Variants in KCNH8 observed in about 807,000 individuals in gnomAD.
The protein encoded by KCNH8 is potassium voltage-gated channel subfamily H member 8.
Under a neutral mutation model 103.6 loss-of-function variants are expected in KCNH8, and 70 were observed. The observed-to-expected ratio is 0.68, with a 90% CI of 0.56 to 0.82. The LOEUF is 0.82. Among genes scored for constraint, KCNH8 ranks in the 40% least tolerant of loss-of-function variants. The probability of loss-of-function intolerance (pLI) is 0.00; values close to 1 mark genes in which losing one functional copy is unlikely to be tolerated. For missense variants in KCNH8, 1,217 were observed against 1,329.9 expected (o/e 0.92, Z 1.32); for synonymous variants, 498 against 489.4 (o/e 1.02, Z -0.23).
chr3:19,281,002 G>A (rs1450163789), intron 2 of KCNH8, among the ~76,000 whole-genome samples, 196 bp from the exon 3 acceptor site: 3 of 152,008 alleles, frequency 2.0e-5, no homozygotes, highest in Non-Finnish European at 4.4e-5. Flanking sequence ...TTCAGAAAAA[G>A]CATTTCCTTT....
intron 11 of KCNH8, among the ~76,000 whole-genome samples, chr3:19,496,107 T>A (rs969901327): frequency 6.6e-6 from 1 of 152,188 alleles, no homozygotes; most frequent in Admixed American, 6.5e-5. Flanking sequence ...GCAGAGACTA[T>A]GGGGTTTTCT....
intron 1 of KCNH8, among the ~76,000 whole-genome samples, chr3:19,222,714 A>C (rs2063889232): frequency 6.6e-6 from 1 of 152,160 alleles, no homozygotes; most frequent in Non-Finnish European, 1.5e-5. Flanking sequence ...AGTGTAAGCC[A>C]GTTGTAGAGC....
intron 1 of KCNH8, among the ~76,000 whole-genome samples, chr3:19,239,624 TAGA>T (rs148829716): frequency 0.023 from 3,420 of 150,264 alleles, 115 homozygotes; most frequent in African/African-American, 0.078. Context: ...CTGAGGAAAG[TAGA>T]ATGATGGAAT....
At chr3:19,449,379 G>C (rs956623391) in intron 8 of KCNH8, among the ~76,000 whole-genome samples, 3 of 151,216 alleles carry the variant, frequency 2.0e-5, no homozygotes, top group Non-Finnish European at 1.5e-5. Flanking sequence ...CTTTTTCTCT[G>C]TGAATTCATT....
intron 1 of KCNH8, among the ~76,000 whole-genome samples, chr3:19,205,484 T>C (rs1243549833): frequency 6.6e-6 from 1 of 152,050 alleles, no homozygotes; most frequent in Non-Finnish European, 1.5e-5. Context: ...TGAATACTTA[T>C]AAGCCAGGCA....
intron 1 of KCNH8, among the ~76,000 whole-genome samples, chr3:19,207,063 A>G (rs2063724188): frequency 6.6e-6 from 1 of 152,006 alleles, no homozygotes; most frequent in African/African-American, 2.4e-5. Context: ...TTTGGTCTTG[A>G]AAAAAAGATT....
rs553417331 is a variant in KCNH8, at chr3:19,524,171, CATTGACA to C, written c.2619+6103_2619+6109del. Among the ~76,000 whole-genome samples the C allele has an allele frequency of 1.1e-4, 16 of 151,948 alleles. No homozygotes were observed. The East Asian group carries it at 3.1e-3, about 29-fold the overall frequency. ...AATTAGTGTTGCCATTATATCTTTT[CATTGACA>C]ATTGAGTCAACTGAAACACACTGAC... is the stretch of plus-strand genomic sequence containing the variant. On this transcript the variant is annotated intron_variant, in intron 15 of 15. Transcript: ENST00000328405.
intron 5 of KCNH8, 148 bp downstream of exon 5, chr3:19,348,113 T>G (rs1363044874): frequency 1.1e-6 from 1 of 892,600 alleles, no homozygotes; most frequent in Non-Finnish European, 1.7e-6. Context: ...ACATACTGTA[T>G]TTGGATTTCT....
chr3:19,528,607 T>A (rs1419879579), intron 15 of KCNH8, among the ~76,000 whole-genome samples: 2 of 152,118 alleles, frequency 1.3e-5, no homozygotes, highest in Non-Finnish European at 2.9e-5. Context: ...ATACCTACTT[T>A]TAGTATATAT....
intron 1 of KCNH8, among the ~76,000 whole-genome samples, chr3:19,192,698 G>T (rs1326246159): frequency 6.6e-6 from 1 of 151,600 alleles, no homozygotes; most frequent in Non-Finnish European, 1.5e-5. Context: ...GACATAAAAT[G>T]TCTCTAGTTA....
intron 1 of KCNH8, among the ~76,000 whole-genome samples, chr3:19,238,765 T>C (rs1219075903): frequency 1.3e-5 from 2 of 152,238 alleles, no homozygotes; most frequent in African/African-American, 4.8e-5. Context: ...TTTTGGGTCT[T>C]TTTCCTCAAT....
At chr3:19,381,994 G>C (rs960895866) in intron 5 of KCNH8, among the ~76,000 whole-genome samples, 2 of 152,028 alleles carry the variant, frequency 1.3e-5, no homozygotes, top group African/African-American at 4.8e-5. Flanking sequence ...CTGGAGTTCT[G>C]GTTCCAGTTA....
intron 1 of KCNH8, among the ~76,000 whole-genome samples, chr3:19,253,205 C>T (rs1190945814): frequency 6.6e-6 from 1 of 152,064 alleles, no homozygotes; most frequent in Non-Finnish European, 1.5e-5. Context: ...GAATCACCTC[C>T]CAAATAAACT....
intron 11 of KCNH8, among the ~76,000 whole-genome samples, chr3:19,493,543 T>C (rs563211740): frequency 1.7e-3 from 254 of 152,282 alleles, no homozygotes; most frequent in African/African-American, 5.9e-3. Flanking sequence ...GTAGGTTTTC[T>C]GAGGCCTCCC....
chr3:19,225,051 G>T (rs1025116373), intron 1 of KCNH8, among the ~76,000 whole-genome samples: 1 of 152,018 alleles, frequency 6.6e-6, no homozygotes, highest in Non-Finnish European at 1.5e-5. Context: ...ACAGCTTCAG[G>T]AATAGAATGA....
At chr3:19,250,933 A>G (rs2064268702) in intron 1 of KCNH8, among the ~76,000 whole-genome samples, 1 of 152,224 alleles carries the variant, frequency 6.6e-6, no homozygotes, top group Admixed American at 6.5e-5. Flanking sequence ...AAGTTAATAA[A>G]CATGTCAGCA....
chr3:19,318,387 A>G (rs1222768577), intron 3 of KCNH8, among the ~76,000 whole-genome samples: 2 of 151,676 alleles, frequency 1.3e-5, no homozygotes, highest in African/African-American at 4.8e-5. Flanking sequence ...CCAGAGTAGT[A>G]TACACTGTAC....
intron 7 of KCNH8, among the ~76,000 whole-genome samples, chr3:19,404,155 C>T (rs2066657240): frequency 6.6e-6 from 1 of 151,928 alleles, no homozygotes; most frequent in Non-Finnish European, 1.5e-5. Context: ...CACTCTCTAT[C>T]CTGTTGCTTT....
At chr3:19,346,788 AAT>A (rs1043062686) in intron 4 of KCNH8, 1 of 427,954 alleles carries the variant, frequency 2.3e-6, no homozygotes, top group African/African-American at 2.0e-5. Flanking sequence ...TAAACTTTCA[AAT>A]ATAAGTTTCC....
Sources: gnomAD v4.1 joint callset for allele counts (sites outside exome capture counted in the v4.1 genomes callset) on GRCh38, gnomAD v4.1.1 for gene constraint, MANE v1.5 for transcripts, NCBI Gene and HGNC (gene_info 2026-07-23, HGNC 2026-07-21) for gene names.